The following PHF21B variants were observed in gnomAD, a reference collection of about 807,000 sequenced individuals.
PHF21B encodes PHD finger protein 4.
A neutral mutation model predicts 62.2 loss-of-function variants in PHF21B; 22 were observed. The ratio of observed to expected loss-of-function variants is 0.35; its 90% CI spans 0.25 to 0.51. The LOEUF is 0.51. PHF21B is among the 20% of genes least tolerant of loss of function. The probability of loss-of-function intolerance (pLI) is 0.97; values close to 1 mark genes in which losing one functional copy is unlikely to be tolerated. For synonymous variants in PHF21B, 341 were observed against 314.7 expected (o/e 1.08, Z -0.88); for missense variants, 701 against 707.9 (o/e 0.99, Z 0.11).
At chr22:44,917,676 G>A (rs954000465) in intron 3 of PHF21B, among the ~76,000 whole-genome samples, 12 of 152,196 alleles carry the variant, frequency 7.9e-5, no homozygotes, top group African/African-American at 2.9e-4. Flanking sequence ...TGCTACCGTC[G>A]TTATCATTAG....
At chr22:44,911,563 A>T (rs569213499) in intron 5 of PHF21B, among the ~76,000 whole-genome samples, 1 of 152,342 alleles carries the variant, frequency 6.6e-6, no homozygotes, top group East Asian at 1.9e-4. Context: ...AGAGGGTGGA[A>T]GCACAAGCCT....
In PHF21B at chr22:44,976,480, T is replaced by C. The variant is rs2072740296; in HGVS notation, c.120+32065A>G. Among the ~76,000 whole-genome samples, 5 of 152,364 alleles carry C rather than the reference T, an allele frequency of 3.3e-5. No individual in the cohort carries two copies. The South Asian group carries it at 1.0e-3, about 32-fold the overall frequency. The stretch of plus-strand genomic sequence containing the variant: ...TCTTTCCCTATCCAAACTTTTAAAA[T>C]GTGGACTTCATGCCATTTTAGAAGG... On this transcript the variant is annotated intron_variant, in intron 2 of 12. Coordinates refer to ENST00000313237, the MANE Select transcript of PHF21B (RefSeq NM_138415.5).
chr22:45,009,478 C>T lies in PHF21B; in HGVS notation c.54+18G>A. 3 of 1,531,520 alleles carry T rather than the reference C, an allele frequency of 2.0e-6. No homozygotes were observed. The highest frequency in any genetic ancestry group is 1.2e-5 in the South Asian group (1 of 83,606). 94.9% of individuals were successfully genotyped at this position (1,531,520 alleles called of 1,614,324 possible). A position where few individuals can be genotyped will look rare whatever the true frequency, so the allele number is the denominator to read the frequency against. ...GCAACACACTCCCCGGCCCCGGGCC[C>T]GGCCCCCGGCCACCTACCTGGTGGC... On this transcript the variant is annotated intron_variant, in intron 1 of 12. Transcript: ENST00000313237. The surrounding 1 kb of genome is among the most constrained non-coding windows in gnomAD (Gnocchi z 5.9).
chr22:45,000,230 T>G (rs760150697), intron 2 of PHF21B, among the ~76,000 whole-genome samples: 5 of 151,916 alleles, frequency 3.3e-5, no homozygotes, highest in Non-Finnish European at 5.9e-5. Flanking sequence ...GGGAGGGAAA[T>G]CGGGGGGCAG....
intron 2 of PHF21B, among the ~76,000 whole-genome samples, chr22:44,970,107 C>A (rs528283437): frequency 6.6e-6 from 1 of 152,334 alleles, no homozygotes. Context: ...GCTGTGCGGC[C>A]AGCCCAAGGC....
chr22:44,883,066 T>G lies in PHF21B; in HGVS notation c.*20A>C. On this transcript the variant is annotated 3_prime_UTR_variant, in exon 13 of 13. Transcript: ENST00000313237. Reference sequence around the variant, plus strand: ...GGGTCCCAATAACTTTCCGTGGGTATGAAGACTGGTCCCTCGGGGTCAGTT... The same window carrying G: ...GGGTCCCAATAACTTTCCGTGGGTAGGAAGACTGGTCCCTCGGGGTCAGTT... 1 of 1,598,556 alleles carries G rather than the reference T, an allele frequency of 6.3e-7. No individual in the cohort carries two copies. Among genetic ancestry groups the G allele is most frequent in the Non-Finnish European group, 8.5e-7 (1 of 1,173,382 alleles).
intron 2 of PHF21B, among the ~76,000 whole-genome samples, chr22:44,968,663 A>T (rs940539143): frequency 1.4e-5 from 2 of 146,212 alleles, no homozygotes; most frequent in African/African-American, 5.1e-5. Context: ...AAAAAAAAAA[A>T]ATACCTGGGA....
chr22:44,926,623 G>T (rs953187218), intron 2 of PHF21B, among the ~76,000 whole-genome samples: 1 of 152,232 alleles, frequency 6.6e-6, no homozygotes, highest in Non-Finnish European at 1.5e-5. Context: ...TGAGGAGGCC[G>T]AGGACAGCCA....
At chr22:44,986,962 G>A (rs1380464134) in intron 2 of PHF21B, among the ~76,000 whole-genome samples, 1 of 152,206 alleles carries the variant, frequency 6.6e-6, no homozygotes, top group East Asian at 1.9e-4. Flanking sequence ...TGGGGATCCA[G>A]GCCCCTGCCC....
Position 44,923,543 on chromosome 22 carries a change from T to C in PHF21B, c.121-3053A>G, listed in dbSNP as rs960067153. On this transcript the variant is annotated intron_variant, in intron 2 of 12. Transcript: ENST00000313237. ...CAACAAAATAAGAAACTCCCAAAGA[T>C]GGAAAGAGAATGTTAGGAAAATGCA... Among the ~76,000 whole-genome samples, 10 of 152,016 alleles carry C rather than the reference T, an allele frequency of 6.6e-5. 2 individuals carry two copies.
chr22:44,887,172 A>AG (rs1555929924), intron 10 of PHF21B, among the ~76,000 whole-genome samples: 25 of 151,384 alleles, frequency 1.7e-4, no homozygotes, highest in African/African-American at 5.1e-4. Flanking sequence ...AAAAAAAAAA[A>AG]AAAGAAAGAA....
chr22:44,963,189 C>T (rs2147424278), intron 2 of PHF21B, among the ~76,000 whole-genome samples: 1 of 152,356 alleles, frequency 6.6e-6, no homozygotes, highest in South Asian at 2.1e-4. Flanking sequence ...GAGGGGAAAC[C>T]TCATGGTAGG....
At chr22:44,918,486 C>T (rs956277971) in intron 3 of PHF21B, among the ~76,000 whole-genome samples, 14 of 152,228 alleles carry the variant, frequency 9.2e-5, no homozygotes, top group Non-Finnish European at 1.6e-4. Flanking sequence ...TCTGCCTGTG[C>T]CTCCTGGCCT....
At chr22:45,008,323 C>T (rs139243698) in intron 2 of PHF21B, 5,474 of 404,176 alleles carry the variant, frequency 0.014, 66 homozygotes, top group Non-Finnish European at 0.017. Flanking sequence ...TAAGTGAGCT[C>T]CTCTCTTCGG....
intron 2 of PHF21B, among the ~76,000 whole-genome samples, chr22:44,930,791 G>A (rs1265289039): frequency 6.7e-6 from 1 of 149,470 alleles, no homozygotes; most frequent in Non-Finnish European, 1.5e-5. Context: ...GCCAAGCCCT[G>A]AAAGGGCAGG....
At chr22:44,944,488 A>C (rs1219605930) in intron 2 of PHF21B, among the ~76,000 whole-genome samples, 2 of 152,214 alleles carry the variant, frequency 1.3e-5, no homozygotes, top group Non-Finnish European at 2.9e-5. Flanking sequence ...GAGGCCCTGC[A>C]TCAATAACAA....
intron 2 of PHF21B, among the ~76,000 whole-genome samples, chr22:44,945,678 C>A (rs1048352416): frequency 2.0e-5 from 3 of 151,042 alleles, no homozygotes; most frequent in African/African-American, 7.3e-5. Flanking sequence ...CATCTTCCAG[C>A]ACCTGACCAG....
intron 2 of PHF21B, among the ~76,000 whole-genome samples, chr22:44,933,692 G>GT (rs1329585263): frequency 6.6e-6 from 1 of 151,428 alleles, no homozygotes; most frequent in Admixed American, 6.6e-5. Context: ...CAGGAGACGA[G>GT]TATCTGGAGC....
At chr22:44,966,184 A>G (rs1467227138) in intron 2 of PHF21B, among the ~76,000 whole-genome samples, 1 of 152,140 alleles carries the variant, frequency 6.6e-6, no homozygotes, top group East Asian at 1.9e-4. Flanking sequence ...GGCCTCCTAG[A>G]CAGGCTCCGG....
Sources: allele counts gnomAD v4.1 joint callset (sites outside exome capture counted in the v4.1 genomes callset), GRCh38; gene constraint gnomAD v4.1.1; non-coding constraint Gnocchi (gnomAD v3.1); transcripts MANE v1.5; gene names NCBI Gene and HGNC (gene_info 2026-07-23, HGNC 2026-07-21).